Variants in RABGEF1 observed in about 807,000 individuals in gnomAD.
RABGEF1 encodes rab5 GDP/GTP exchange factor.
RABGEF1 carries 26 observed loss-of-function variants against 57.3 expected under a neutral mutation model. The observed-to-expected ratio is 0.45, with a 90% CI of 0.33 to 0.63. The LOEUF (loss-of-function observed/expected upper bound fraction) is 0.63, where lower values mean the gene tolerates loss of function less well. RABGEF1 is among the 20% of genes least tolerant of loss of function. RABGEF1 has a pLI of 0.02. For missense variants in RABGEF1, 464 were observed against 607.6 expected, an observed-to-expected ratio of 0.76 and a Z score of 2.48; for synonymous variants, 185 against 210.7, an observed-to-expected ratio of 0.88 and a Z score of 1.06.
At chr7:66,790,363 G>A (rs1812345735) in intron 4 of RABGEF1, among the ~76,000 whole-genome samples, 1 of 152,196 alleles carries the variant, frequency 6.6e-6, no homozygotes, top group African/African-American at 2.4e-5. Flanking sequence ...ACATGCGACA[G>A]GCAATGTGCC....
intron 1 of RABGEF1, among the ~76,000 whole-genome samples, chr7:66,704,149 C>T (rs1046990574): frequency 2.0e-5 from 3 of 152,178 alleles, no homozygotes; most frequent in Non-Finnish European, 2.9e-5. Context: ...ACTAGCAAGC[C>T]ACACTGGGGG....
chr7:66,808,854 A>G, intron 8 of RABGEF1, 32 bp from the exon 9 acceptor site: 1 of 1,499,380 alleles, frequency 6.7e-7, no homozygotes, highest in Non-Finnish European at 9.1e-7. Flanking sequence ...TAGCTTTCCT[A>G]ATATGACTGT....
At chr7:66,786,614 G>T (rs1811243575) in intron 4 of RABGEF1, among the ~76,000 whole-genome samples, 1 of 152,176 alleles carries the variant, frequency 6.6e-6, no homozygotes, top group Non-Finnish European at 1.5e-5. Context: ...ATGTTGCCCA[G>T]GCTGGTCTTG....
intron 1 of RABGEF1, chr7:66,756,010 C>T: frequency 1.4e-6 from 2 of 1,447,234 alleles, no homozygotes; most frequent in Non-Finnish European, 1.8e-6. Context: ...AGTTGGTGAA[C>T]CTTGGATTAC....
At chr7:66,735,875 G>C (rs1228635461), upstream of RABGEF1, among the ~76,000 whole-genome samples, 1 of 152,172 alleles carries the variant, frequency 6.6e-6, no homozygotes, top group African/African-American at 2.4e-5. Context: ...AGCAGTGCAA[G>C]AACAAACGAA....
At chr7:66,792,369 C>A (rs1449367136) in intron 4 of RABGEF1, among the ~76,000 whole-genome samples, 1 of 152,204 alleles carries the variant, frequency 6.6e-6, no homozygotes, top group Non-Finnish European at 1.5e-5. Flanking sequence ...TTCACAGATA[C>A]TGGCCAAAGA....
At chr7:66,746,143 T>G (rs1490374408) in intron 1 of RABGEF1, among the ~76,000 whole-genome samples, 2 of 152,240 alleles carry the variant, frequency 1.3e-5, no homozygotes, top group Non-Finnish European at 1.5e-5. Context: ...CACTTAATAT[T>G]ATTTAACTTA....
At chr7:66,755,878 A>T (rs1286763507) in intron 1 of RABGEF1, 2 of 506,482 alleles carry the variant, frequency 3.9e-6, no homozygotes, top group African/African-American at 2.0e-5. Flanking sequence ...GGAGTTGATT[A>T]TCATTTGGAA....
intron 2 of RABGEF1, among the ~76,000 whole-genome samples, chr7:66,724,586 G>A (rs1022210243): frequency 2.0e-5 from 3 of 152,042 alleles, no homozygotes; most frequent in African/African-American, 7.2e-5. Context: ...TCTTGATCTC[G>A]TGACCTTGTG....
At chr7:66,721,739 G>A (rs1184017602) in intron 2 of RABGEF1, among the ~76,000 whole-genome samples, 2 of 152,132 alleles carry the variant, frequency 1.3e-5, no homozygotes, top group African/African-American at 2.4e-5. Flanking sequence ...AGGCCAAGGC[G>A]GGCAGATCTC....
chr7:66,689,067 T>C (rs1046208353), intron 1 of RABGEF1, among the ~76,000 whole-genome samples: 3 of 152,272 alleles, frequency 2.0e-5, no homozygotes, highest in African/African-American at 7.2e-5. Context: ...CATTCCAGCC[T>C]GGGTGACAGA....
chr7:66,762,314 G>A (rs1804620929), intron 1 of RABGEF1, among the ~76,000 whole-genome samples: 1 of 152,160 alleles, frequency 6.6e-6, no homozygotes, highest in Admixed American at 6.5e-5. Context: ...ATGGAGGCTG[G>A]GTGCAGTGGC....
chr7:66,728,731 TTCACCTCCATCCTCACCTCGACCC>T (rs1796907198), intron 2 of RABGEF1, among the ~76,000 whole-genome samples: 1 of 11,406 alleles, frequency 8.8e-5, no homozygotes. Context: ...CACCTCCACC[TTCACCTCCATCCTCACCTCGACCC>T]TCACCGCCAT....
intron 1 of RABGEF1, among the ~76,000 whole-genome samples, chr7:66,702,842 A>G (rs952496704): frequency 1.3e-4 from 20 of 151,778 alleles, no homozygotes; most frequent in African/African-American, 4.1e-4. Flanking sequence ...TTTGTTGTTC[A>G]GTTTTGAGAG....
intron 2 of RABGEF1, among the ~76,000 whole-genome samples, chr7:66,713,606 T>G (rs1189402316): frequency 6.6e-6 from 1 of 152,232 alleles, no homozygotes; most frequent in African/African-American, 2.4e-5. Context: ...GTACCTTAAC[T>G]TGGGTGAACA....
In RABGEF1 at chr7:66,734,025, AC is replaced by A. The variant is rs1797646530; in HGVS notation, c.-814-5969del. ...GTCTCAAAAACAAAAAACAAAAAAA[AC>A]CTCCTAGAGGCAGTCATCAGCCTGG... On this transcript the variant is annotated intron_variant and NMD_transcript_variant, in intron 2 of 9. Transcript: ENST00000607882. 2.6e-5 allele frequency among the ~76,000 whole-genome samples: 4 copies of A among 151,812 alleles called. No individual in the cohort carries two copies. The South Asian group carries it at 8.3e-4, about 32-fold the overall frequency.
chr7:66,764,071 C>T (rs937319454), intron 1 of RABGEF1, among the ~76,000 whole-genome samples: 2 of 152,152 alleles, frequency 1.3e-5, no homozygotes, highest in African/African-American at 4.8e-5. Flanking sequence ...AATGGCTGTA[C>T]CATTTTACAT....
the RABGEF1 span, among the ~76,000 whole-genome samples, chr7:66,666,677 G>A: frequency 6.6e-6 from 1 of 152,208 alleles, no homozygotes; most frequent in Non-Finnish European, 1.5e-5. Context: ...GGCGGGTGGA[G>A]CCCTGTCTGG....
At chr7:66,685,974 A>G (rs1274953148) in intron 1 of RABGEF1, among the ~76,000 whole-genome samples, 3 of 152,100 alleles carry the variant, frequency 2.0e-5, no homozygotes, top group Non-Finnish European at 4.4e-5. Context: ...TTCTTAGCCC[A>G]TCAGTGAAGT....
Sources: allele counts gnomAD v4.1 joint callset (sites outside exome capture counted in the v4.1 genomes callset), GRCh38; gene constraint gnomAD v4.1.1; transcripts MANE v1.5; gene names NCBI Gene and HGNC (gene_info 2026-07-23, HGNC 2026-07-21).